Variants in PTPRU observed in about 807,000 individuals in gnomAD.
PTPRU encodes the protein protein tyrosine phosphatase receptor type U, also known as receptor-type tyrosine-protein phosphatase U.
Under a neutral mutation model 166.3 loss-of-function variants are expected in PTPRU, and 69 were observed. The ratio of observed to expected loss-of-function variants is 0.41; its 90% CI spans 0.34 to 0.51. The LOEUF is 0.51. Ranked by LOEUF, PTPRU falls within the 20% of genes least tolerant of loss-of-function variation. The pLI, the probability that PTPRU is intolerant of heterozygous loss-of-function variation, is 0.09. For missense variants in PTPRU, 1,657 were observed against 2,013.7 expected (o/e 0.82, Z 3.39); for synonymous variants, 793 against 814.0 (o/e 0.97, Z 0.44).
intron 7 of PTPRU, among the ~76,000 whole-genome samples, chr1:29,266,619 C>T (rs567524073): frequency 6.6e-6 from 1 of 152,206 alleles, no homozygotes; most frequent in South Asian, 2.1e-4. Flanking sequence ...GCTTCAGTCC[C>T]CCTGTTTTAC....
At chr1:29,304,145 T>C in intron 16 of PTPRU, 100 bp downstream of exon 16, 2 of 1,343,840 alleles carry the variant, frequency 1.5e-6, no homozygotes, top group Non-Finnish European at 2.0e-6. Flanking sequence ...CTAGTCCTGG[T>C]TGGACGCCTG....
intron 14 of PTPRU, among the ~76,000 whole-genome samples, chr1:29,287,714 C>T (rs1165379655): frequency 6.6e-6 from 1 of 152,042 alleles, no homozygotes; most frequent in Non-Finnish European, 1.5e-5. Context: ...CCTGCCTCAG[C>T]CTTCCAAGTA....
At position 29,257,908 on chromosome 1, in the gene PTPRU, G is replaced by A. The variant is rs1156375845; in HGVS notation, c.206-597G>A. On this transcript the variant is annotated intron_variant, in intron 2 of 29. Transcript: ENST00000373779. The surrounding 1 kb of genome is among the most constrained non-coding windows in gnomAD (Gnocchi z 4.6). ...CTCCAGGGATAGCTCAGAACATGGG[G>A]AAAGCTGTGGTTAGGCTGGGCATGG... Among the ~76,000 whole-genome samples the A allele has an allele frequency of 6.6e-6, 1 of 152,118 alleles. No individual in the cohort carries two copies. The highest frequency in any genetic ancestry group is 1.5e-5 in the Non-Finnish European group (1 of 68,026).
intron 14 of PTPRU, among the ~76,000 whole-genome samples, chr1:29,287,563 A>G (rs1488522305): frequency 6.9e-6 from 1 of 144,840 alleles, no homozygotes; most frequent in Non-Finnish European, 1.5e-5. Context: ...TCCCTGTGGG[A>G]GATTATTATT....
intron 11 of PTPRU, among the ~76,000 whole-genome samples, chr1:29,282,355 G>C (rs1254669881): frequency 5.9e-5 from 9 of 152,222 alleles, no homozygotes; most frequent in Non-Finnish European, 1.0e-4. Flanking sequence ...GGGGCCTTAT[G>C]GCTTGGTTAT....
chr1:29,259,009 T>G (rs1574620884), intron 3 of PTPRU, among the ~76,000 whole-genome samples: 1 of 152,262 alleles, frequency 6.6e-6, no homozygotes, highest in African/African-American at 2.4e-5. Context: ...GGAACAGTGC[T>G]GACCTGGAAA....
intron 14 of PTPRU, among the ~76,000 whole-genome samples, chr1:29,286,801 C>G (rs1291587872): frequency 1.3e-5 from 2 of 152,126 alleles, no homozygotes. Context: ...GGGAAACCTT[C>G]CATTATGTAT....
At chr1:29,302,284 G>A (rs1444608847) in intron 15 of PTPRU, among the ~76,000 whole-genome samples, 1 of 152,120 alleles carries the variant, frequency 6.6e-6, no homozygotes, top group Admixed American at 6.5e-5. Context: ...GCTGTACTAT[G>A]TGCATGTCAT....
At chr1:29,281,174 G>A (rs569846321) in intron 11 of PTPRU, among the ~76,000 whole-genome samples, 1 of 152,168 alleles carries the variant, frequency 6.6e-6, no homozygotes, top group East Asian at 1.9e-4. Context: ...CTGCCTGGGT[G>A]ACCATGGCAG....
intron 14 of PTPRU, among the ~76,000 whole-genome samples, chr1:29,289,090 G>A (rs991970329): frequency 6.8e-6 from 1 of 147,036 alleles, no homozygotes; most frequent in Non-Finnish European, 1.5e-5. Context: ...AGGTGGAGGT[G>A]CAGGCAAAGG....
intron 17 of PTPRU, 66 bp from the exon 18 acceptor site, chr1:29,305,285 TC>T: frequency 6.7e-7 from 1 of 1,484,492 alleles, no homozygotes; most frequent in Non-Finnish European, 9.4e-7. Flanking sequence ...CCTCCAGGAA[TC>T]CCTCCCTGAC....
chr1:29,322,862 G>C (rs560911508), intron 26 of PTPRU, among the ~76,000 whole-genome samples: 2 of 152,172 alleles, frequency 1.3e-5, no homozygotes, highest in East Asian at 1.9e-4. Context: ...TCTGGGAGGG[G>C]GTTGTATTTA....
intron 16 of PTPRU, 26 bp from the exon 17 acceptor site, chr1:29,304,748 C>T: frequency 6.3e-7 from 1 of 1,585,986 alleles, no homozygotes; most frequent in African/African-American, 1.3e-5. Context: ...CTCTCTCCCA[C>T]TGACCACCAC....
At chr1:29,244,596 T>C (rs377110499) in intron 1 of PTPRU, among the ~76,000 whole-genome samples, 1 of 152,004 alleles carries the variant, frequency 6.6e-6, no homozygotes, top group Non-Finnish European at 1.5e-5. Context: ...TCAATATGTG[T>C]TTGTCTAGCG....
rs1434119350 is a variant in PTPRU, at chr1:29,280,194, C to T, written c.1868+53C>T. The T allele has an allele frequency of 6.7e-7, 1 of 1,503,066 alleles. No individual in the cohort carries two copies. The highest frequency in any genetic ancestry group is 1.4e-5 in the African/African-American group (1 of 72,354). The allele number at this position is 1,503,066 out of a possible 1,614,324, so 93.1% of individuals were successfully genotyped here. ...AGTCCAGGGCCTTAGGAAAGAGGCC[C>T]CTCCTCTGACCCAGAGCCCCATCCC... is the stretch of plus-strand genomic sequence containing the variant. On this transcript the variant is annotated intron_variant, in intron 11 of 29. Coordinates refer to ENST00000373779, the MANE Select transcript of PTPRU (RefSeq NM_133178.4). This position sits in a 1 kb window ranked among gnomAD's most constrained non-coding sequence, Gnocchi z 4.2.
chr1:29,290,772 G>T (rs1017673201), intron 14 of PTPRU, among the ~76,000 whole-genome samples: 8 of 152,266 alleles, frequency 5.3e-5, no homozygotes, highest in African/African-American at 1.9e-4. Flanking sequence ...ACTTCTCAAA[G>T]AATCTGTATT....
intron 8 of PTPRU, 81 bp from the exon 9 acceptor site, chr1:29,278,931 A>G: frequency 9.1e-7 from 1 of 1,095,138 alleles, no homozygotes; most frequent in East Asian, 2.6e-5. Context: ...CCAGGTAGGA[A>G]GCGGCAAGGC....
rs775763634 is a variant in PTPRU, at chr1:29,320,754, C to T, written c.3757C>T (p.Arg1253Trp). Reference sequence around the variant, plus strand: ...GCAGAGCACCACGCCCGACTTCTGGCGGCTGGTCTACGATTACGGGTGCAC... The same window carrying T: ...GCAGAGCACCACGCCCGACTTCTGGTGGCTGGTCTACGATTACGGGTGCAC... Reference protein sequence around the residue: ...PLQSTTPDFWRLVYDYGCTSI... With the variant: ...PLQSTTPDFWWLVYDYGCTSI... The change falls in exon 26 of 30, where the codon CGG becomes TGG. Residue 1253 changes from arginine (R) to tryptophan (W), a missense_variant. Transcript: ENST00000373779. This position sits in a 1 kb window ranked among gnomAD's most constrained non-coding sequence, Gnocchi z 5.2. The T allele has an allele frequency of 1.9e-6, 3 of 1,608,964 alleles. No individual in the cohort carries two copies. The highest frequency in any genetic ancestry group is 1.7e-6 in the Non-Finnish European group (2 of 1,176,038).
In PTPRU at chr1:29,284,787, G is replaced by A. The variant is rs1474004669; in HGVS notation, c.2236G>A (p.Gly746Arg). ...LEVSQRSEEM[G>R]LILGICAGGL... is the part of the protein sequence containing the mutation. Reference sequence around the variant, plus strand: ...GGTGTCCCAGAGATCGGAGGAGATGGGGCTTATCCTGGGCATCTGTGCAGG... The same window carrying A: ...GGTGTCCCAGAGATCGGAGGAGATGAGGCTTATCCTGGGCATCTGTGCAGG... The change falls in exon 14 of 30, where the codon GGG (glycine) becomes AGG (arginine). Residue 746 changes from glycine (G) to arginine (R), a missense_variant. Around this residue, in one of 3 missense-constraint regions of PTPRU, gnomAD observed 1,190 missense variants for 1,477.4 expected, o/e 0.81. Transcript: ENST00000373779. 2.5e-6 allele frequency: 4 copies of A among 1,613,960 alleles called. No individual in the cohort carries two copies. In the East Asian group the frequency reaches 8.9e-5, roughly 36 times the overall value.
Sources: gnomAD v4.1 joint callset for allele counts (sites outside exome capture counted in the v4.1 genomes callset) on GRCh38, gnomAD v4.1.1 for gene constraint, gnomAD v4.1.1 regional missense constraint, Gnocchi (gnomAD v3.1) non-coding constraint, MANE v1.5 for transcripts, NCBI Gene and HGNC (gene_info 2026-07-23, HGNC 2026-07-21) for gene names.